Variants in SHANK2 observed in about 807,000 individuals in gnomAD.
SHANK2 encodes SH3 and multiple ankyrin repeat domains 2.
SHANK2 carries 43 observed loss-of-function variants against 133.7 expected under a neutral mutation model. The ratio of observed to expected loss-of-function variants is 0.32; its 90% CI spans 0.25 to 0.41. The LOEUF is 0.41. Ranked by LOEUF, SHANK2 falls within the 10% of genes least tolerant of loss-of-function variation. SHANK2 has a pLI of 1.00. For synonymous variants in SHANK2, 1,017 were observed against 952.8 expected (o/e 1.07, Z -1.24); for missense variants, 1,994 against 2,235.8 (o/e 0.89, Z 2.18).
At chr11:70,831,326 A>T (rs540785672) in intron 11 of SHANK2, among the ~76,000 whole-genome samples, 29 of 152,278 alleles carry the variant, frequency 1.9e-4, no homozygotes, top group Non-Finnish European at 3.5e-4. Context: ...GAAAGAGGAG[A>T]GGGAGGCTCT....
intron 11 of SHANK2, among the ~76,000 whole-genome samples, chr11:70,867,307 G>A (rs1949380568): frequency 6.6e-6 from 1 of 152,180 alleles, no homozygotes; most frequent in Non-Finnish European, 1.5e-5. Context: ...CTGAACACAG[G>A]GGAGGACCAA....
intron 17 of SHANK2, among the ~76,000 whole-genome samples, chr11:70,526,927 G>A (rs1204981521): frequency 6.7e-6 from 1 of 150,300 alleles, no homozygotes; most frequent in Non-Finnish European, 1.5e-5. Context: ...CCACCACCCT[G>A]GGAGCATCCC....
At chr11:71,057,501 T>C (rs1950934533) in intron 9 of SHANK2, among the ~76,000 whole-genome samples, 1 of 152,186 alleles carries the variant, frequency 6.6e-6, no homozygotes, top group African/African-American at 2.4e-5. Context: ...GGTATTTACT[T>C]TCATGGAAAG....
At chr11:70,527,740 G>C (rs1217817100) in intron 17 of SHANK2, among the ~76,000 whole-genome samples, 1 of 152,186 alleles carries the variant, frequency 6.6e-6, no homozygotes, top group Non-Finnish European at 1.5e-5. Context: ...CATGGAGAAG[G>C]CCCCTCTGAT....
chr11:70,819,770 C>A (rs1948478268), intron 12 of SHANK2, among the ~76,000 whole-genome samples: 1 of 152,144 alleles, frequency 6.6e-6, no homozygotes, highest in Non-Finnish European at 1.5e-5. Context: ...CCATGCTGGA[C>A]CCAGGCCTGC....
At chr11:70,491,659 G>C (rs2058888773) in intron 22 of SHANK2, among the ~76,000 whole-genome samples, 1 of 152,250 alleles carries the variant, frequency 6.6e-6, no homozygotes, top group Admixed American at 6.5e-5. Context: ...GCTAGAATCT[G>C]ACATCAGGTT....
At chr11:71,244,854 C>T (rs1377789079) in intron 1 of SHANK2, among the ~76,000 whole-genome samples, 5 of 152,108 alleles carry the variant, frequency 3.3e-5, no homozygotes, top group Non-Finnish European at 5.9e-5. Context: ...CAAGTGTGCC[C>T]CACTGTGCCT....
At chr11:70,814,451 GC>G (rs1217071902) in intron 12 of SHANK2, among the ~76,000 whole-genome samples, 1 of 152,208 alleles carries the variant, frequency 6.6e-6, no homozygotes, top group Non-Finnish European at 1.5e-5. Flanking sequence ...AGGAGGGCAA[GC>G]AGGAGCCGCA....
At chr11:70,558,748 G>A (rs544386984) in intron 17 of SHANK2, among the ~76,000 whole-genome samples, 41 of 152,294 alleles carry the variant, frequency 2.7e-4, no homozygotes, top group African/African-American at 9.4e-4. Flanking sequence ...ACACCTGAGC[G>A]GGAGGCGACC....
rs1289363371 is a variant in SHANK2 at position 70,473,163 on chromosome 11, T to C, written c.5256A>G (p.Leu1752=). The change falls in exon 26 of 26, where the codon CTA becomes CTG. Residue 1752 remains leucine, a synonymous_variant. Coordinates refer to ENST00000601538, the MANE Select transcript of SHANK2 (RefSeq NM_012309.5). The surrounding 1 kb of genome is among the most constrained non-coding windows in gnomAD (Gnocchi z 5.9). ...TGCGTCCCGCTGGGTTCAAGCCAAA[T>C]AGATCCCCAGAAGGGGGCTGGCTTG... ...SLPSQPPSGD[L]FGLNPAGRSR... 2 of 1,613,810 alleles carry C rather than the reference T, an allele frequency of 1.2e-6. No individual in the cohort carries two copies. Among genetic ancestry groups the C allele is most frequent in the African/African-American group, 2.7e-5 (2 of 74,912 alleles).
chr11:70,502,774 C>A (rs782520445), intron 18 of SHANK2, 22 bp downstream of exon 18: 1 of 905,728 alleles, frequency 1.1e-6, no homozygotes, highest in African/African-American at 2.1e-5. Flanking sequence ...CAGGCTGGAG[C>A]TGGGCGATGT....
At chr11:70,836,549 C>T (rs1018265016) in intron 11 of SHANK2, among the ~76,000 whole-genome samples, 3 of 152,216 alleles carry the variant, frequency 2.0e-5, no homozygotes, top group Non-Finnish European at 2.9e-5. Context: ...CATGGGTAGA[C>T]GCTGTCTGGA....
chr11:70,519,259 GCA>G (rs1348279387), intron 17 of SHANK2, among the ~76,000 whole-genome samples: 1 of 152,160 alleles, frequency 6.6e-6, no homozygotes, highest in Non-Finnish European at 1.5e-5. Flanking sequence ...TGACTCTGAG[GCA>G]CAGTGTATGT....
intron 3 of SHANK2, among the ~76,000 whole-genome samples, chr11:71,144,057 C>A (rs1555106276): frequency 6.6e-6 from 1 of 152,064 alleles, no homozygotes; most frequent in African/African-American, 2.4e-5. Context: ...ATGAAAAGGG[C>A]ATTGCAAAGG....
chr11:70,617,005 CACTG>C (rs1293269734), intron 17 of SHANK2, among the ~76,000 whole-genome samples: 1 of 151,674 alleles, frequency 6.6e-6, no homozygotes, highest in Non-Finnish European at 1.5e-5. Flanking sequence ...CACTGTGTGT[CACTG>C]AGTGTGTGCC....
intron 14 of SHANK2, among the ~76,000 whole-genome samples, chr11:70,730,118 GA>G (rs1946256070): frequency 6.6e-6 from 1 of 152,096 alleles, no homozygotes; most frequent in Non-Finnish European, 1.5e-5. Context: ...GAGGAAGTGG[GA>G]CCTGTGTGCC....
At position 70,830,183 on chromosome 11, in the gene SHANK2, G is replaced by C. The variant is rs1948705945; in HGVS notation, c.1175-9501C>G. Among the ~76,000 whole-genome samples the C allele has an allele frequency of 6.6e-6, 1 of 152,178 alleles. No individual in the cohort carries two copies. Among genetic ancestry groups the C allele is most frequent in the Non-Finnish European group, 1.5e-5 (1 of 68,034 alleles). ...GTTTTCATCTGGTGTCCCCATCCCT[G>C]CCTTTCTGGGGGAATATTTATCTTC... On this transcript the variant is annotated intron_variant, in intron 11 of 25. Coordinates refer to ENST00000601538, the MANE Select transcript of SHANK2 (RefSeq NM_012309.5). This position sits in a 1 kb window ranked among gnomAD's most constrained non-coding sequence, Gnocchi z 4.4.
chr11:70,672,566 G>A (rs1285252622), intron 15 of SHANK2, among the ~76,000 whole-genome samples: 1 of 152,222 alleles, frequency 6.6e-6, no homozygotes, highest in African/African-American at 2.4e-5. Flanking sequence ...AGGTCTCCCC[G>A]AGCCAGGCTG....
chr11:70,578,980 C>G (rs1047255270), intron 17 of SHANK2, among the ~76,000 whole-genome samples: 1 of 152,208 alleles, frequency 6.6e-6, no homozygotes, highest in Non-Finnish European at 1.5e-5. Flanking sequence ...CCCCATCCAC[C>G]CTCTGCCCAG....
Sources: allele counts gnomAD v4.1 joint callset (sites outside exome capture counted in the v4.1 genomes callset), GRCh38; gene constraint gnomAD v4.1.1; non-coding constraint Gnocchi (gnomAD v3.1); transcripts MANE v1.5; gene names NCBI Gene and HGNC (gene_info 2026-07-23, HGNC 2026-07-21).